GALNTL6: variants seen among roughly 807,000 people sequenced by gnomAD.
The protein encoded by GALNTL6 is polypeptide N-acetylgalactosaminyltransferase like 6.
A neutral mutation model predicts 73.7 loss-of-function variants in GALNTL6; 46 were observed. The ratio of observed to expected loss-of-function variants is 0.62; its 90% CI spans 0.49 to 0.80. GALNTL6 has a LOEUF of 0.80. Among genes scored for constraint, GALNTL6 ranks in the 30% least tolerant of loss-of-function variants. The pLI, the probability that GALNTL6 is intolerant of heterozygous loss-of-function variation, is 0.00. For missense variants in GALNTL6, 604 were observed against 755.0 expected (o/e 0.80, Z 2.34); for synonymous variants, 259 against 263.7 (o/e 0.98, Z 0.17).
At chr4:172,655,798 A>G (rs1730967795) in intron 5 of GALNTL6, among the ~76,000 whole-genome samples, 1 of 152,230 alleles carries the variant, frequency 6.6e-6, no homozygotes, top group African/African-American at 2.4e-5. Flanking sequence ...AGTTAAATGT[A>G]TCATCATCCA....
chr4:172,022,672 T>G (rs2110803868), intron 2 of GALNTL6, among the ~76,000 whole-genome samples: 1 of 152,112 alleles, frequency 6.6e-6, no homozygotes, highest in African/African-American at 2.4e-5. Context: ...ATGTCTTGTC[T>G]GATTACTTTC....
chr4:171,815,260 G>C (rs941443684), intron 2 of GALNTL6: 1 of 155,550 alleles, frequency 6.4e-6, no homozygotes, highest in African/African-American at 2.4e-5. Context: ...CTGTTGCTAA[G>C]GTGCTGCCAT....
chr4:171,954,728 C>T (rs1738990933), intron 2 of GALNTL6, among the ~76,000 whole-genome samples: 1 of 152,014 alleles, frequency 6.6e-6, no homozygotes, highest in South Asian at 2.1e-4. Flanking sequence ...ATTGTAATCC[C>T]CAATGTTGGT....
chr4:172,520,085 T>C (rs962552725), intron 5 of GALNTL6, among the ~76,000 whole-genome samples: 9 of 151,946 alleles, frequency 5.9e-5, no homozygotes, highest in African/African-American at 2.2e-4. Flanking sequence ...ATGAGTGTTA[T>C]AAATCTAAAG....
chr4:171,942,665 A>C (rs1239419981), intron 2 of GALNTL6, among the ~76,000 whole-genome samples: 1 of 152,226 alleles, frequency 6.6e-6, no homozygotes, highest in Non-Finnish European at 1.5e-5. Context: ...GTTTCAAGAG[A>C]TGGACAATAC....
rs142668497 is a variant in GALNTL6, at chr4:172,340,216, C to T, written c.387-8307C>T. Among the ~76,000 whole-genome samples the T allele has an allele frequency of 3.9e-3, 594 of 152,108 alleles. 5 individuals are homozygous for T. The highest frequency in any genetic ancestry group is 0.016 in the South Asian group (76 of 4,810). Reference sequence around the variant, plus strand: ...CTTTAACTTAAAAATGTGTCTATTTCGTCAAATACTTTCTCTGCATCTATT... The same window carrying T: ...CTTTAACTTAAAAATGTGTCTATTTTGTCAAATACTTTCTCTGCATCTATT... On this transcript the variant is annotated intron_variant, in intron 4 of 12. Coordinates refer to ENST00000506823, the MANE Select transcript of GALNTL6 (RefSeq NM_001034845.3).
chr4:172,397,469 C>A (rs1397786328), intron 5 of GALNTL6, among the ~76,000 whole-genome samples: 1 of 152,056 alleles, frequency 6.6e-6, no homozygotes, highest in Admixed American at 6.6e-5. Flanking sequence ...GTAGTCATAT[C>A]CATATAACAA....
chr4:172,954,014 G>T (rs533899364), intron 10 of GALNTL6, among the ~76,000 whole-genome samples: 1 of 152,206 alleles, frequency 6.6e-6, no homozygotes, highest in South Asian at 2.1e-4. Flanking sequence ...GGTTCTGTTT[G>T]TCATCTTTCT....
At chr4:172,733,257 T>A (rs1439099244) in intron 5 of GALNTL6, among the ~76,000 whole-genome samples, 1 of 152,226 alleles carries the variant, frequency 6.6e-6, no homozygotes, top group African/African-American at 2.4e-5. Context: ...CTATTCCCCT[T>A]GAGCCAGTAT....
At chr4:172,811,536 G>A (rs939625554) in intron 6 of GALNTL6, among the ~76,000 whole-genome samples, 2 of 152,040 alleles carry the variant, frequency 1.3e-5, no homozygotes, top group Non-Finnish European at 2.9e-5. Context: ...GACATCTCTG[G>A]GGAAATACCA....
At chr4:172,467,767 A>T (rs1732875811) in intron 5 of GALNTL6, among the ~76,000 whole-genome samples, 1 of 151,248 alleles carries the variant, frequency 6.6e-6, no homozygotes, top group African/African-American at 2.4e-5. Context: ...GAAATATTTT[A>T]CTTTCTGAAC....
chr4:171,965,127 G>T (rs1012067099), intron 2 of GALNTL6, among the ~76,000 whole-genome samples: 1 of 152,106 alleles, frequency 6.6e-6, no homozygotes, highest in Non-Finnish European at 1.5e-5. Context: ...AAGGGCTTCC[G>T]TTTTACTTTG....
intron 5 of GALNTL6, among the ~76,000 whole-genome samples, chr4:172,480,254 C>T (rs1448262983): frequency 6.6e-6 from 1 of 151,636 alleles, no homozygotes; most frequent in Non-Finnish European, 1.5e-5. Flanking sequence ...TCGAGGTTGC[C>T]ATGAGTCATG....
At chr4:172,736,364 A>G (rs1390510187) in intron 5 of GALNTL6, among the ~76,000 whole-genome samples, 1 of 152,220 alleles carries the variant, frequency 6.6e-6, no homozygotes, top group Non-Finnish European at 1.5e-5. Flanking sequence ...TATTTCCCCT[A>G]TTCGCTTTTG....
chr4:171,899,267 C>G (rs1007916050), intron 2 of GALNTL6, among the ~76,000 whole-genome samples: 1 of 152,010 alleles, frequency 6.6e-6, no homozygotes, highest in African/African-American at 2.4e-5. Flanking sequence ...GTGGTTACCC[C>G]TAATGACTAG....
At chr4:172,240,216 T>TTTTGTTTG (rs35343486) in intron 3 of GALNTL6, among the ~76,000 whole-genome samples, 45 of 150,754 alleles carry the variant, frequency 3.0e-4, no homozygotes, top group South Asian at 6.3e-4. Context: ...TTTTTGAAGT[T>TTTTGTTTG]TTTGTTTGTT....
chr4:172,232,165 A>G (rs1737094254), intron 3 of GALNTL6, among the ~76,000 whole-genome samples: 1 of 152,072 alleles, frequency 6.6e-6, no homozygotes, highest in Non-Finnish European at 1.5e-5. Flanking sequence ...TTTGTACTTC[A>G]TATACAGGCC....
At chr4:172,884,333 C>A (rs1745608281) in intron 8 of GALNTL6, among the ~76,000 whole-genome samples, 2 of 152,018 alleles carry the variant, frequency 1.3e-5, no homozygotes, top group Non-Finnish European at 2.9e-5. Flanking sequence ...TAAGATATAA[C>A]CTCAATGTGG....
chr4:171,849,512 TTAAG>T (rs758901099), intron 2 of GALNTL6, among the ~76,000 whole-genome samples: 2 of 152,236 alleles, frequency 1.3e-5, no homozygotes, highest in Non-Finnish European at 2.9e-5. Flanking sequence ...TTCAACTACT[TTAAG>T]TCATCTACAT....
Sources: allele counts gnomAD v4.1 joint callset (sites outside exome capture counted in the v4.1 genomes callset), GRCh38; gene constraint gnomAD v4.1.1; transcripts MANE v1.5; gene names NCBI Gene and HGNC (gene_info 2026-07-23, HGNC 2026-07-21).